The following RNLS variants were observed in gnomAD, a reference collection of about 807,000 sequenced individuals.
The protein encoded by RNLS is renalase.
In RNLS, 39 loss-of-function variants were observed where a neutral mutation model predicts 39.8. That is an observed-to-expected ratio of 0.98 (90% CI 0.76 to 1.28). The LOEUF (loss-of-function observed/expected upper bound fraction) is 1.28, where lower values mean the gene tolerates loss of function less well. Ranked by LOEUF, RNLS falls within the 50% of genes most tolerant of loss-of-function variation. RNLS has a pLI of 0.00. For synonymous variants in RNLS, 147 were observed against 150.7 expected (o/e 0.98, Z 0.18); for missense variants, 410 against 413.3 (o/e 0.99, Z 0.07).
At chr10:88,448,359 C>T (rs1842167284) in intron 4 of RNLS, among the ~76,000 whole-genome samples, 1 of 152,150 alleles carries the variant, frequency 6.6e-6, no homozygotes, top group Non-Finnish European at 1.5e-5. Flanking sequence ...AGACACTTCT[C>T]AAAAGAAGAC....
chr10:88,233,722 G>C, the RNLS span, among the ~76,000 whole-genome samples: 1 of 152,098 alleles, frequency 6.6e-6, no homozygotes, highest in Admixed American at 6.6e-5. Context: ...GAGTAAGCCT[G>C]TTCCCTCTGT....
At chr10:88,559,455 T>C (rs1409133) in intron 4 of RNLS, among the ~76,000 whole-genome samples, 125,370 of 152,076 alleles carry the variant, frequency 0.82, 52,211 homozygotes, top group East Asian at 0.98. Flanking sequence ...AGGCTCACCA[T>C]AATCTGCCCC....
At chr10:88,269,435 G>A (rs1842589250), downstream of RNLS, among the ~76,000 whole-genome samples, 1 of 152,120 alleles carries the variant, frequency 6.6e-6, no homozygotes, top group Admixed American at 6.6e-5. Flanking sequence ...CTTGCTTGAT[G>A]CTTTGGCAGA....
the RNLS span, among the ~76,000 whole-genome samples, chr10:88,248,591 T>G: frequency 6.6e-6 from 1 of 152,146 alleles, no homozygotes; most frequent in African/African-American, 2.4e-5. Flanking sequence ...TTTTCAACGC[T>G]CAATCTTTGT....
intron 4 of RNLS, among the ~76,000 whole-genome samples, chr10:88,482,221 T>C (rs1844228620): frequency 6.6e-6 from 1 of 152,180 alleles, no homozygotes; most frequent in Non-Finnish European, 1.5e-5. Context: ...GGCCATTACT[T>C]CATCACACTT....
At chr10:88,292,509 T>G (rs1350174930) in intron 6 of RNLS, among the ~76,000 whole-genome samples, 1 of 151,684 alleles carries the variant, frequency 6.6e-6, no homozygotes, top group Non-Finnish European at 1.5e-5. Flanking sequence ...TAAATGAGTT[T>G]GAAACCAATA....
intron 4 of RNLS, among the ~76,000 whole-genome samples, chr10:88,382,338 A>G (rs558058701): frequency 2.0e-5 from 3 of 152,256 alleles, no homozygotes; most frequent in African/African-American, 7.2e-5. Context: ...AAAAAATACA[A>G]TATATACAGG....
At chr10:88,395,733 C>A (rs566454396) in intron 4 of RNLS, among the ~76,000 whole-genome samples, 5 of 151,924 alleles carry the variant, frequency 3.3e-5, no homozygotes, top group Non-Finnish European at 5.9e-5. Flanking sequence ...AATCTACATC[C>A]AACAAACTCA....
At chr10:88,455,681 C>T (rs34246017) in intron 4 of RNLS, among the ~76,000 whole-genome samples, 10,889 of 152,238 alleles carry the variant, frequency 0.072, 403 homozygotes, top group East Asian at 0.085. Context: ...GCTGGAATTA[C>T]AGGCGTGAGC....
chr10:88,549,016 A>G (rs1022483305), intron 4 of RNLS, among the ~76,000 whole-genome samples: 6 of 152,024 alleles, frequency 3.9e-5, no homozygotes, highest in African/African-American at 1.4e-4. Flanking sequence ...GACTGAATGG[A>G]TAGAAAGTAA....
At chr10:88,512,956 C>T (rs890808463) in intron 4 of RNLS, among the ~76,000 whole-genome samples, 1 of 152,092 alleles carries the variant, frequency 6.6e-6, no homozygotes, top group Non-Finnish European at 1.5e-5. Context: ...AATAATAATA[C>T]CTACCTCACA....
the RNLS span, among the ~76,000 whole-genome samples, chr10:88,208,806 T>C: frequency 6.6e-6 from 1 of 152,168 alleles, no homozygotes; most frequent in Non-Finnish European, 1.5e-5. Flanking sequence ...GAATCTGTCA[T>C]GGCCAGATCA....
the RNLS span, among the ~76,000 whole-genome samples, chr10:88,209,664 G>A: frequency 2.6e-5 from 4 of 152,120 alleles, no homozygotes; most frequent in Admixed American, 2.6e-4. Context: ...AAATAAGTTG[G>A]ATGACTGAAG....
At chr10:88,383,269 A>C (rs140009355) in intron 4 of RNLS, among the ~76,000 whole-genome samples, 110 of 152,194 alleles carry the variant, frequency 7.2e-4, no homozygotes, top group African/African-American at 2.5e-3. Context: ...AATTTTTATG[A>C]ATGAGATGCA....
At position 88,285,194 on chromosome 10, in the gene RNLS, A is replaced by G; in HGVS notation, c.*160T>C. ...ATTCTAGCATGGGTTGTAACTATCA[A>G]AATTACAAAATTGATTTTATACTCC... On this transcript the variant is annotated 3_prime_UTR_variant, in exon 7 of 7. Coordinates refer to ENST00000331772, the MANE Select transcript of RNLS (RefSeq NM_001031709.3). 3.0e-6 allele frequency: 4 copies of G among 1,350,498 alleles called. No individual in the cohort carries two copies. The highest frequency in any genetic ancestry group is 3.8e-6 in the Non-Finnish European group (4 of 1,052,384). The allele number at this position is 1,350,498 out of a possible 1,614,324, so 83.7% of individuals were successfully genotyped here.
chr10:88,355,399 A>T (rs946885316), intron 5 of RNLS, among the ~76,000 whole-genome samples: 1 of 152,052 alleles, frequency 6.6e-6, no homozygotes, highest in Admixed American at 6.5e-5. Context: ...TTTGGTGTGG[A>T]TGTCCTTTCT....
the RNLS span, among the ~76,000 whole-genome samples, chr10:88,178,864 G>C: frequency 1.2e-4 from 19 of 152,140 alleles, no homozygotes; most frequent in Non-Finnish European, 2.4e-4. Flanking sequence ...TGTTGAGGGA[G>C]CTCTGAGTTG....
chr10:88,452,568 A>G (rs1842420214), intron 4 of RNLS, among the ~76,000 whole-genome samples: 1 of 152,180 alleles, frequency 6.6e-6, no homozygotes, highest in African/African-American at 2.4e-5. Flanking sequence ...CCCACTTATC[A>G]TCACTCCTAA....
At chr10:88,447,512 CACAA>C (rs1206944749) in intron 4 of RNLS, among the ~76,000 whole-genome samples, 1 of 152,048 alleles carries the variant, frequency 6.6e-6, no homozygotes, top group African/African-American at 2.4e-5. Context: ...TAAAAGAGGA[CACAA>C]ACAAACAGAA....
Sources: gnomAD v4.1 joint callset for allele counts (sites outside exome capture counted in the v4.1 genomes callset) on GRCh38, gnomAD v4.1.1 for gene constraint, MANE v1.5 for transcripts, NCBI Gene and HGNC (gene_info 2026-07-23, HGNC 2026-07-21) for gene names.